The following CAMK2D variants were observed in gnomAD, a reference collection of about 807,000 sequenced individuals.
The protein encoded by CAMK2D is calcium/calmodulin-dependent protein kinase type II subunit delta.
Under a neutral mutation model 84.0 loss-of-function variants are expected in CAMK2D, and 37 were observed. The ratio of observed to expected loss-of-function variants is 0.44; its 90% CI spans 0.34 to 0.58. The LOEUF (loss-of-function observed/expected upper bound fraction) is 0.58, where lower values mean the gene tolerates loss of function less well. CAMK2D is among the 20% of genes least tolerant of loss of function. The pLI is 0.02. For missense variants in CAMK2D, 448 were observed against 652.5 expected, an observed-to-expected ratio of 0.69 and a Z score of 3.41; for synonymous variants, 202 against 212.5, an observed-to-expected ratio of 0.95 and a Z score of 0.43.
chr4:113,513,262 CAA>C, intron 12 of CAMK2D, 64 bp downstream of exon 12: 3 of 1,579,212 alleles, frequency 1.9e-6, no homozygotes, highest in Non-Finnish European at 2.6e-6. Flanking sequence ...ATTCCAGAGA[CAA>C]AAAAACAGAG....
intron 2 of CAMK2D, among the ~76,000 whole-genome samples, chr4:113,693,605 G>A (rs1441734185): frequency 6.6e-6 from 1 of 152,002 alleles, no homozygotes; most frequent in Non-Finnish European, 1.5e-5. Flanking sequence ...CATTCCACCT[G>A]GGATGGAAAT....
At chr4:113,669,509 G>T (rs749986958) in intron 2 of CAMK2D, among the ~76,000 whole-genome samples, 1 of 152,082 alleles carries the variant, frequency 6.6e-6, no homozygotes, top group Non-Finnish European at 1.5e-5. Flanking sequence ...ACTGTTGGTG[G>T]ACTGTAGATT....
At chr4:113,742,180 C>A (rs1309199577) in intron 2 of CAMK2D, among the ~76,000 whole-genome samples, 2 of 152,060 alleles carry the variant, frequency 1.3e-5, no homozygotes, top group Non-Finnish European at 2.9e-5. Flanking sequence ...AATGAATGAA[C>A]AAATAATGAT....
chr4:113,520,934 T>C (rs1590644240), intron 8 of CAMK2D, among the ~76,000 whole-genome samples: 1 of 152,046 alleles, frequency 6.6e-6, no homozygotes, highest in Non-Finnish European at 1.5e-5. Flanking sequence ...GAGGCTGAGG[T>C]GGGAAGATCA....
chr4:113,741,797 T>G (rs1353224076), intron 2 of CAMK2D, among the ~76,000 whole-genome samples: 1 of 152,164 alleles, frequency 6.6e-6, no homozygotes, highest in Non-Finnish European at 1.5e-5. Context: ...AACATCATCA[T>G]GTACTTCTCT....
intron 2 of CAMK2D, among the ~76,000 whole-genome samples, chr4:113,746,549 C>T (rs893613373): frequency 2.6e-5 from 4 of 151,842 alleles, no homozygotes; most frequent in Non-Finnish European, 5.9e-5. Flanking sequence ...ATATTTTTTT[C>T]TTTCAAAAGG....
chr4:113,633,527 G>A (rs1338252942), intron 3 of CAMK2D, among the ~76,000 whole-genome samples: 3 of 152,134 alleles, frequency 2.0e-5, no homozygotes, highest in Admixed American at 6.5e-5. Flanking sequence ...TAGAGATCAG[G>A]CACTCATTCA....
At chr4:113,663,886 T>A (rs1014909892) in intron 2 of CAMK2D, among the ~76,000 whole-genome samples, 5 of 152,144 alleles carry the variant, frequency 3.3e-5, no homozygotes, top group Non-Finnish European at 7.4e-5. Flanking sequence ...AAAATTCATA[T>A]GAAGCCATCC....
At chr4:113,704,441 A>G (rs1445585555) in intron 2 of CAMK2D, among the ~76,000 whole-genome samples, 1 of 152,162 alleles carries the variant, frequency 6.6e-6, no homozygotes, top group Non-Finnish European at 1.5e-5. Context: ...TATTATCCCA[A>G]ATTCATTTTA....
At chr4:113,549,858 C>A (rs920443674) in intron 5 of CAMK2D, among the ~76,000 whole-genome samples, 1 of 152,130 alleles carries the variant, frequency 6.6e-6, no homozygotes, top group African/African-American at 2.4e-5. Context: ...GATTTTCTAG[C>A]TCTTTTATTA....
chr4:113,695,768 C>A (rs2099400731), intron 2 of CAMK2D, among the ~76,000 whole-genome samples: 1 of 152,056 alleles, frequency 6.6e-6, no homozygotes, highest in African/African-American at 2.4e-5. Context: ...AACCAAATTT[C>A]AACCAAGTAA....
At chr4:113,489,132 G>A (rs1328089627) in intron 16 of CAMK2D, among the ~76,000 whole-genome samples, 1 of 151,268 alleles carries the variant, frequency 6.6e-6, no homozygotes, top group Non-Finnish European at 1.5e-5. Context: ...TATGCGGACA[G>A]TAATTTTTCT....
chr4:113,575,600 T>C lies in CAMK2D; in HGVS notation c.276-23504A>G, dbSNP rs186807410. 4.1e-3 allele frequency among the ~76,000 whole-genome samples: 626 copies of C among 152,334 alleles called. 4 individuals carry two copies. Among genetic ancestry groups the C allele is most frequent in the Non-Finnish European group, 5.8e-3 (395 of 68,026 alleles). On this transcript the variant is annotated intron_variant, in intron 4 of 20. Transcript: ENST00000511664. ...CAAGTCCTGTCAAACCACAATGTTT[T>C]TGTAGCTCTAATTTCTTTGCTGTGC...
chr4:113,678,117 T>C (rs1270657216), intron 2 of CAMK2D, among the ~76,000 whole-genome samples: 1 of 152,184 alleles, frequency 6.6e-6, no homozygotes, highest in Non-Finnish European at 1.5e-5. Context: ...TTGTAAGAGT[T>C]GTCATTAGAA....
At chr4:113,648,838 T>A (rs573568815) in intron 3 of CAMK2D, among the ~76,000 whole-genome samples, 10 of 152,264 alleles carry the variant, frequency 6.6e-5, no homozygotes, top group African/African-American at 2.4e-4. Flanking sequence ...AAGTGAAAGA[T>A]CAGGGGTTTG....
chr4:113,760,090 AAAGT>A (rs2099637309), intron 1 of CAMK2D, among the ~76,000 whole-genome samples: 1 of 152,194 alleles, frequency 6.6e-6, no homozygotes. Flanking sequence ...TCCTTTCATA[AAAGT>A]AACAGTCGAA....
intron 3 of CAMK2D, among the ~76,000 whole-genome samples, chr4:113,613,864 GTGTGTA>G (rs2099010763): frequency 6.6e-6 from 1 of 151,944 alleles, no homozygotes; most frequent in Non-Finnish European, 1.5e-5. Flanking sequence ...GGACAAAAAG[GTGTGTA>G]TGTGTGTGTG....
chr4:113,661,372 G>A (rs2099231255), intron 3 of CAMK2D, among the ~76,000 whole-genome samples: 1 of 151,922 alleles, frequency 6.6e-6, no homozygotes, highest in Non-Finnish European at 1.5e-5. Flanking sequence ...ATATAACCAG[G>A]GATTACCTAA....
intron 16 of CAMK2D, among the ~76,000 whole-genome samples, chr4:113,493,575 A>G (rs2097877970): frequency 6.6e-6 from 1 of 151,436 alleles, no homozygotes; most frequent in Non-Finnish European, 1.5e-5. Flanking sequence ...TGCCCTTAAC[A>G]TTTTTTCCTT....
Sources: allele counts gnomAD v4.1 joint callset (sites outside exome capture counted in the v4.1 genomes callset), GRCh38; gene constraint gnomAD v4.1.1; transcripts MANE v1.5; gene names NCBI Gene and HGNC (gene_info 2026-07-23, HGNC 2026-07-21).